The following PRSS56 variants were observed in gnomAD, a reference collection of about 807,000 sequenced individuals.
PRSS56 encodes the protein serine protease 56, also known as protease, serine 56.
PRSS56 carries 55 observed loss-of-function variants against 66.8 expected under a neutral mutation model. The ratio of observed to expected loss-of-function variants is 0.82; its 90% confidence interval spans 0.66 to 1.03. The LOEUF is 1.03. PRSS56 is among the 50% of genes least tolerant of loss of function. PRSS56 has a pLI of 0.00. For missense variants in PRSS56, 869 were observed against 837.2 expected (o/e 1.04, Z -0.47); for synonymous variants, 409 against 387.9 (o/e 1.05, Z -0.64).
Position 232,521,447 on chromosome 2 carries a change from G to C in PRSS56, c.205+19G>C. 1.3e-6 allele frequency: 2 copies of C among 1,523,184 alleles called. No homozygotes were observed. Among genetic ancestry groups the C allele is most frequent in the South Asian group, 1.2e-5 (1 of 83,806 alleles). 94.4% of individuals were successfully genotyped at this position (1,523,184 alleles called of 1,614,324 possible). On this transcript the variant is annotated intron_variant, in intron 2 of 12. Coordinates refer to ENST00000617714, the MANE Select transcript of PRSS56 (RefSeq NM_001195129.2). ...TGCCGAGGTGCCCACCCTGCCCCCC[G>C]TGCCCCAGTGAGCTTGCTGCCTACC... is the stretch of plus-strand genomic sequence containing the variant.
In PRSS56 at chr2:232,525,223, C is replaced by T; in HGVS notation, c.1529C>T (p.Ala510Val). The change falls in exon 13 of 13, where the codon GCA (alanine) becomes GTA (valine). Residue 510 changes from alanine to valine, a missense_variant. Physicochemically the swap from Ala to Val is moderately conservative, Grantham distance 64. This residue lies in a region of PRSS56 where 551 missense variants were observed against 506.9 expected (regional missense o/e 1.09). Coordinates refer to ENST00000617714, the MANE Select transcript of PRSS56 (RefSeq NM_001195129.2). ...CCACTCCTCCATCTGTAGGTCCTGG[C>T]AGATCTGGGCTCCAAGACACTGACC... The part of the protein sequence containing the change: ...HLAMNFHEVL[A>V]DLGSKTLTGL... The T allele has an allele frequency of 2.0e-6, 3 of 1,492,168 alleles. No individual in the cohort carries two copies. The South Asian group carries it at 3.9e-5, about 19-fold the overall frequency. The allele number at this position is 1,492,168 out of a possible 1,614,324, so 92.4% of individuals were successfully genotyped here.
chr2:232,522,424 C>A, intron 4 of PRSS56, 91 bp from the exon 5 acceptor site: 1 of 1,199,122 alleles, frequency 8.3e-7, no homozygotes, highest in Non-Finnish European at 1.1e-6. Flanking sequence ...GTGGAGAAAG[C>A]CCGGCATGCG....
chr2:232,523,934 G>C lies in PRSS56; in HGVS notation c.1175G>C (p.Arg392Pro). The change falls in exon 9 of 13, where the codon CGG becomes CCG. Residue 392 changes from arginine to proline, a missense_variant. Transcript: ENST00000617714. Reference protein sequence around the residue: ...RLAHQQCLQRRRRCELRSLAH... With the variant: ...RLAHQQCLQRPRRCELRSLAH... ...GCGCACCAGCAGTGCCTGCAGCGCC[G>C]GCGGCGATGCGGTCAGTTCTGTTCA... 2 of 1,507,326 alleles carry C rather than the reference G, an allele frequency of 1.3e-6. No homozygotes were observed. The highest frequency in any genetic ancestry group is 1.8e-6 in the Non-Finnish European group (2 of 1,133,600). The allele number at this position is 1,507,326 out of a possible 1,614,324, so 93.4% of individuals were successfully genotyped here.
rs547124485 is a variant in PRSS56 at position 232,523,411 on chromosome 2, C to T, written c.850-5C>T. 4.9e-6 allele frequency: 7 copies of T among 1,440,540 alleles called. No homozygotes were observed. The highest frequency in any genetic ancestry group is 4.4e-5 in the South Asian group (3 of 68,936). The allele number at this position is 1,440,540 out of a possible 1,614,324, so 89.2% of individuals were successfully genotyped here. Reference sequence around the variant, plus strand: ...AATGCAGCGTCCTCTCTCTTGGCCCCGCAGGGTGACTCGGGAGGCCCCCTG... The same window carrying T: ...AATGCAGCGTCCTCTCTCTTGGCCCTGCAGGGTGACTCGGGAGGCCCCCTG... On this transcript the variant is annotated splice_region_variant and splice_polypyrimidine_tract_variant and intron_variant, in intron 7 of 12. Coordinates refer to ENST00000617714, the MANE Select transcript of PRSS56 (RefSeq NM_001195129.2).
chr2:232,524,081 A>T lies in PRSS56; in HGVS notation c.1229A>T (p.Asn410Ile). The T allele has an allele frequency of 1.3e-6, 2 of 1,523,564 alleles. No homozygotes were observed. The highest frequency in any genetic ancestry group is 2.4e-5 in the South Asian group (2 of 82,972). The allele number at this position is 1,523,564 out of a possible 1,614,324, so 94.4% of individuals were successfully genotyped here. ...LAHTLLGLLR[N>I]AQELLGPRPG... ...CACACGCTGCTGGGCCTGCTGCGGA[A>T]CGCGCAGGAGCTGCTCGGGCCTCGT... The change falls in exon 10 of 13, where the codon AAC (asparagine) becomes ATC (isoleucine). Residue 410 changes from asparagine to isoleucine, a missense_variant. Asn to Ile is a moderately radical substitution (Grantham distance 149). Transcript: ENST00000617714.
In PRSS56 at chr2:232,523,071, G is replaced by T; in HGVS notation, c.718G>T (p.Ala240Ser). The change falls in exon 7 of 13, where the codon GCT becomes TCT. Residue 240 changes from alanine to serine, a missense_variant. Around this residue, in one of 3 missense-constraint regions of PRSS56, gnomAD observed 551 missense variants for 506.9 expected, o/e 1.09. Transcript: ENST00000617714. ...WGALFEDGPE[A>S]EAVREARVPL... ...CCCCTTCCCTGCAGACGGGCCTGAGGCTGAAGCAGTGAGAGAGGCCCGTGT... is the reference window on the plus strand; with the variant it reads ...CCCCTTCCCTGCAGACGGGCCTGAGTCTGAAGCAGTGAGAGAGGCCCGTGT... The T allele has an allele frequency of 6.5e-7, 1 of 1,535,104 alleles. No homozygotes were observed. The highest frequency in any genetic ancestry group is 1.2e-5 in the South Asian group (1 of 83,922).
At chr2:232,522,231 G>C (rs1407432947) in intron 4 of PRSS56, 71 bp downstream of exon 4, 4 of 1,309,784 alleles carry the variant, frequency 3.1e-6, no homozygotes, top group African/African-American at 1.5e-5. Flanking sequence ...CGGGTTGTCC[G>C]GCGGGCGACG....
Position 232,521,760 on chromosome 2 carries a change from G to C in PRSS56, c.206-56G>C, listed in dbSNP as rs969747221. 100 of 1,507,812 alleles carry C rather than the reference G, an allele frequency of 6.6e-5. No homozygotes were observed. The South Asian group carries it at 1.1e-3, about 17-fold the overall frequency. 93.4% of individuals were successfully genotyped at this position (1,507,812 alleles called of 1,614,324 possible). A position where few individuals can be genotyped will look rare whatever the true frequency, so the allele number is the denominator to read the frequency against. ...GGGAGAGAGAGGCTCGGCCCAGCCT[G>C]GGGTGAGGACAGGCGAGAGGGCAGC... On this transcript the variant is annotated intron_variant, in intron 2 of 12. Transcript: ENST00000617714.
In PRSS56 at chr2:232,524,341, G is replaced by C. The variant is rs1226932188; in HGVS notation, c.1386G>C (p.Arg462=). ...SRAAGTRFPK[R]RPEPRGEANG... The stretch of plus-strand genomic sequence containing the variant: ...CTGCAGGCACTCGGTTCCCGAAGCG[G>C]AGGCCGGAGCCGCGCGGAGAAGCCA... The change falls in exon 11 of 13, where the codon CGG becomes CGC. Residue 462 remains arginine, a synonymous_variant. Transcript: ENST00000617714. The C allele has an allele frequency of 1.3e-6, 2 of 1,535,736 alleles. No individual in the cohort carries two copies. The highest frequency in any genetic ancestry group is 1.4e-5 in the African/African-American group (1 of 73,176).
In PRSS56 at chr2:232,524,033, C is replaced by T; in HGVS notation, c.1187-6C>T. ...ACCGCCGCTCCGACTCCTGTCCGGT[C>T]CGCAGAGCTGCGCTCGCTGGCGCAC... is the stretch of plus-strand genomic sequence containing the variant. On this transcript the variant is annotated splice_polypyrimidine_tract_variant and splice_region_variant and intron_variant, in intron 9 of 12. Transcript: ENST00000617714. 6.6e-7 allele frequency: 1 copy of T among 1,525,434 alleles called. No individual in the cohort carries two copies. Among genetic ancestry groups the T allele is most frequent in the Non-Finnish European group, 8.7e-7 (1 of 1,143,344 alleles). The allele number at this position is 1,525,434 out of a possible 1,614,324, so 94.5% of individuals were successfully genotyped here. A position where few individuals can be genotyped will look rare whatever the true frequency, so the allele number is the denominator to read the frequency against.
intron 4 of PRSS56, 134 bp from the exon 5 acceptor site, chr2:232,522,381 G>T: frequency 1.1e-6 from 1 of 906,030 alleles, no homozygotes; most frequent in Non-Finnish European, 1.6e-6. Flanking sequence ...TCTGGGACGG[G>T]ACCCCTCCCC....
At position 232,522,530 on chromosome 2, in the gene PRSS56, T is replaced by C. The variant is rs1312714577; in HGVS notation, c.462T>C (p.Leu154=). The C allele has an allele frequency of 6.5e-7, 1 of 1,534,326 alleles. No individual in the cohort carries two copies. Among genetic ancestry groups the C allele is most frequent in the Admixed American group, 2.0e-5 (1 of 50,946 alleles). ...AHCFVGAPNE[L]LWTVTLAEGS... is the part of the protein sequence containing the mutation. ...CGACCCGCAGCGCCCCGAATGAGCT[T>C]CTGTGGACTGTGACGCTGGCAGAGG... Residue 154 remains leucine, a synonymous_variant, in exon 5 of 13, where the codon CTT becomes CTC. Coordinates refer to ENST00000617714, the MANE Select transcript of PRSS56 (RefSeq NM_001195129.2).
intron 1 of PRSS56, 60 bp downstream of exon 1, chr2:232,520,755 C>T (rs1238544592): frequency 1.7e-6 from 2 of 1,196,232 alleles, no homozygotes; most frequent in Admixed American, 2.1e-5. Context: ...AAGTGGGACC[C>T]TGGGCGGGCG....
chr2:232,520,730 G>C, intron 1 of PRSS56, 35 bp downstream of exon 1: 1 of 1,425,694 alleles, frequency 7.0e-7, no homozygotes, highest in Non-Finnish European at 9.5e-7. Flanking sequence ...CGCGGGGTTG[G>C]GAGGAATGTA....
Position 232,525,485 on chromosome 2 carries a change from AC to A in PRSS56, c.1797del (p.Ala600ProfsTer66), listed in dbSNP as rs2106204377. The A allele has an allele frequency of 6.7e-7, 1 of 1,495,416 alleles. No individual in the cohort carries two copies. Among genetic ancestry groups the A allele is most frequent in the Admixed American group, 2.1e-5 (1 of 47,964 alleles). 92.6% of individuals were successfully genotyped at this position (1,495,416 alleles called of 1,614,324 possible). On this transcript the variant is annotated frameshift_variant, in exon 13 of 13. Coordinates refer to ENST00000617714, the MANE Select transcript of PRSS56 (RefSeq NM_001195129.2). LOFTEE classifies it high-confidence loss of function. ...KGHHPLNPQV[P>X]PARQP Reference sequence around the variant, plus strand: ...GGCACCACCCACTCAACCCTCAGGTACCCCCCGCCAGGCAACCCTGAGCCAT... The same window carrying A: ...GGCACCACCCACTCAACCCTCAGGTACCCCCGCCAGGCAACCCTGAGCCAT...
rs1477114555 is a variant in PRSS56 at position 232,520,569 on chromosome 2, A to G, written c.-30A>G. The G allele has an allele frequency of 5.3e-6, 8 of 1,497,538 alleles. No homozygotes were observed. The highest frequency in any genetic ancestry group is 7.2e-6 in the Non-Finnish European group (8 of 1,111,786). The allele number at this position is 1,497,538 out of a possible 1,614,324, so 92.8% of individuals were successfully genotyped here. A position where few individuals can be genotyped will look rare whatever the true frequency, so the allele number is the denominator to read the frequency against. ...GTGGACTCCGAGGAGGAGAGAGGAC[A>G]GGGGTCTCTCACCCCAGCTCCTGGT... On this transcript the variant is annotated 5_prime_UTR_variant, in exon 1 of 13. Transcript: ENST00000617714.
Position 232,521,833 on chromosome 2 carries a change from C to T in PRSS56, c.223C>T (p.Pro75Ser). 6.5e-7 allele frequency: 1 copy of T among 1,536,036 alleles called. No homozygotes were observed. The highest frequency in any genetic ancestry group is 8.7e-7 in the Non-Finnish European group (1 of 1,146,858). ...CTCTGCAGGATCTGGGCGCCCCAGGCCTCAAGCTCTCCTCCAGGACCCACC... is the reference window on the plus strand; with the variant it reads ...CTCTGCAGGATCTGGGCGCCCCAGGTCTCAAGCTCTCCTCCAGGACCCACC... ...HECRGSGRPR[P>S]QALLQDPPEP... The change falls in exon 3 of 13, where the codon CCT becomes TCT. Residue 75 changes from proline (P) to serine (S), a missense_variant. Around this residue, in one of 3 missense-constraint regions of PRSS56, gnomAD observed 315 missense variants for 313.7 expected, o/e 1.00. Transcript: ENST00000617714.
At chr2:232,523,970 G>C in intron 9 of PRSS56, 25 bp downstream of exon 9, 1 of 1,519,010 alleles carries the variant, frequency 6.6e-7, no homozygotes. Flanking sequence ...CCCGGACCCG[G>C]ACGGGGGGCA....
rs1173136225 is a variant in PRSS56 at position 232,524,488 on chromosome 2, G to A, written c.1414+119G>A. On this transcript the variant is annotated intron_variant, in intron 11 of 12. Coordinates refer to ENST00000617714, the MANE Select transcript of PRSS56 (RefSeq NM_001195129.2). ...CCCCATGGGGCAACAGGGTGGACTC[G>A]TTCTCCCCTCCCCGCCATAGAGCGT... 7 of 964,732 alleles carry A rather than the reference G, an allele frequency of 7.3e-6. No individual in the cohort carries two copies. In the East Asian group the frequency reaches 1.6e-4, roughly 22 times the overall value. 59.8% of individuals were successfully genotyped at this position (964,732 alleles called of 1,614,324 possible). A position where few individuals can be genotyped will look rare whatever the true frequency, so the allele number is the denominator to read the frequency against.
Sources: allele counts gnomAD v4.1 joint callset, GRCh38; gene constraint gnomAD v4.1.1; regional missense constraint gnomAD v4.1.1; transcripts MANE v1.5; gene names NCBI Gene and HGNC (gene_info 2026-07-23, HGNC 2026-07-21).